The following DEAF1 variants were observed in gnomAD, a reference collection of about 807,000 sequenced individuals.
DEAF1 encodes deformed epidermal autoregulatory factor 1 homolog.
Under a neutral mutation model 58.9 loss-of-function variants are expected in DEAF1, and 53 were observed. The ratio of observed to expected loss-of-function variants is 0.90; its 90% CI spans 0.72 to 1.13. The LOEUF (loss-of-function observed/expected upper bound fraction) is 1.13. Among genes scored for constraint, DEAF1 ranks in the 50% most tolerant of loss-of-function variants. DEAF1 has a pLI of 0.00. For synonymous variants in DEAF1, 385 were observed against 340.4 expected, an observed-to-expected ratio of 1.13 and a Z score of -1.44; for missense variants, 685 against 791.4, an observed-to-expected ratio of 0.87 and a Z score of 1.61.
intron 10 of DEAF1, among the ~76,000 whole-genome samples, chr11:663,175 G>A (rs1859388296): frequency 6.6e-6 from 1 of 152,168 alleles, no homozygotes; most frequent in African/African-American, 2.4e-5. Flanking sequence ...AGTTGAGCAT[G>A]GTGGCTTACG....
At chr11:686,306 A>C (rs1012896911) in intron 5 of DEAF1, among the ~76,000 whole-genome samples, 1 of 150,896 alleles carries the variant, frequency 6.6e-6, no homozygotes, top group Non-Finnish European at 1.5e-5. Context: ...AAAAAAAAAA[A>C]AAACCACAAA....
At chr11:700,047 C>A, upstream of DEAF1, 3 of 985,782 alleles carry the variant, frequency 3.0e-6, no homozygotes, top group South Asian at 1.4e-5. Flanking sequence ...TGTCTGTGGC[C>A]ACCAAACAGA....
intron 10 of DEAF1, 73 bp from the exon 11 acceptor site, chr11:654,124 A>G: frequency 8.1e-7 from 1 of 1,234,416 alleles, no homozygotes. Flanking sequence ...GGACAGAGGC[A>G]GGTGCAGGCA....
Position 687,923 on chromosome 11 carries a change from T to C in DEAF1, c.652A>G (p.Arg218Gly). ...RNISGTLYKN[R>G]LGSGGRGRCI... Reference sequence around the variant, plus strand: ...TGGCAGTCCTCACCTGAGCCGAGCCTGTTCTTGTACAGAGTGCCGCTGATG... The same window carrying C: ...TGGCAGTCCTCACCTGAGCCGAGCCCGTTCTTGTACAGAGTGCCGCTGATG... The change falls in exon 4 of 12, where the codon AGG becomes GGG. Residue 218 changes from arginine (R) to glycine (G), a missense_variant. Arg to Gly is a moderately radical substitution (Grantham distance 125, BLOSUM62 -2). This residue lies in a region of DEAF1 where 132 missense variants were observed against 234.3 expected (regional missense o/e 0.56). Coordinates refer to ENST00000382409, the MANE Select transcript of DEAF1 (RefSeq NM_021008.4). The C allele has an allele frequency of 6.2e-7, 1 of 1,614,122 alleles. No homozygotes were observed. Among genetic ancestry groups the C allele is most frequent in the Non-Finnish European group, 8.5e-7 (1 of 1,180,024 alleles).
At chr11:665,116 G>A (rs879446757) in intron 10 of DEAF1, among the ~76,000 whole-genome samples, 2 of 133,364 alleles carry the variant, frequency 1.5e-5, no homozygotes, top group Admixed American at 7.4e-5. Flanking sequence ...CCGAGAGGAG[G>A]AGGACAGGGT....
At chr11:703,842 T>C (rs1336515284) in intron 1 of DEAF1, 39 of 1,235,772 alleles carry the variant, frequency 3.2e-5, no homozygotes, top group Non-Finnish European at 3.8e-5. Context: ...GGGATGAGAC[T>C]GCAGGAGAGA....
intron 10 of DEAF1, among the ~76,000 whole-genome samples, chr11:663,857 T>C (rs1859419234): frequency 6.6e-6 from 1 of 152,250 alleles, no homozygotes; most frequent in Admixed American, 6.5e-5. Flanking sequence ...GAAAGCACTG[T>C]GGTCCTGTCT....
At chr11:691,118 G>A (rs1466321405) in intron 2 of DEAF1, among the ~76,000 whole-genome samples, 1 of 152,236 alleles carries the variant, frequency 6.6e-6, no homozygotes, top group East Asian at 1.9e-4. Flanking sequence ...AACAGGATAT[G>A]GGGGAGGGAA....
At chr11:697,735 A>G (rs946698406), upstream of DEAF1, 2 of 152,246 alleles carry the variant, frequency 1.3e-5, no homozygotes, top group African/African-American at 4.8e-5. Flanking sequence ...AAAAGAACAG[A>G]TCGGGTTTAA....
chr11:690,618 C>T (rs998564016), intron 2 of DEAF1, among the ~76,000 whole-genome samples: 6 of 151,884 alleles, frequency 4.0e-5, no homozygotes, highest in Non-Finnish European at 8.8e-5. Flanking sequence ...TGGTGGCACA[C>T]GCCTGTAATC....
chr11:678,475 C>T (rs1860181403), intron 9 of DEAF1: 1 of 593,348 alleles, frequency 1.7e-6, no homozygotes, highest in Non-Finnish European at 2.9e-6. Flanking sequence ...GTACCAAAAG[C>T]AACTTCCACA....
Position 688,732 on chromosome 11 carries a change from C to T in DEAF1, c.388-272G>A, listed in dbSNP as rs1382716731. Among the ~76,000 whole-genome samples, 1 of 152,186 alleles carries T rather than the reference C, an allele frequency of 6.6e-6. No individual in the cohort carries two copies. The highest frequency in any genetic ancestry group is 1.5e-5 in the Non-Finnish European group (1 of 68,034). On this transcript the variant is annotated intron_variant, in intron 2 of 11. Coordinates refer to ENST00000382409, the MANE Select transcript of DEAF1 (RefSeq NM_021008.4). This position sits in a 1 kb window ranked among gnomAD's most constrained non-coding sequence, Gnocchi z 4.3. Reference sequence around the variant, plus strand: ...GGAAGGAAGAAAGGTGCTCCACAAACAAGAAACACCCTCCCTTCCACCTGA... The same window carrying T: ...GGAAGGAAGAAAGGTGCTCCACAAATAAGAAACACCCTCCCTTCCACCTGA...
chr11:675,499 G>A (rs950645789), intron 9 of DEAF1, among the ~76,000 whole-genome samples: 2 of 151,976 alleles, frequency 1.3e-5, no homozygotes, highest in Non-Finnish European at 2.9e-5. Flanking sequence ...ACCGTCCTTC[G>A]GCCTTGGTGA....
At chr11:647,411 C>T (rs764072540) in intron 11 of DEAF1, among the ~76,000 whole-genome samples, 7 of 152,068 alleles carry the variant, frequency 4.6e-5, no homozygotes, top group East Asian at 1.9e-4. Flanking sequence ...GCCAAGATCG[C>T]GCCGCTGCAC....
intron 10 of DEAF1, among the ~76,000 whole-genome samples, chr11:670,038 C>T (rs374327594): frequency 6.3e-4 from 96 of 151,462 alleles, no homozygotes; most frequent in African/African-American, 2.3e-3. Context: ...CCACTGCACT[C>T]CAGCCTGAGT....
chr11:668,530 G>A (rs1293831348), intron 10 of DEAF1, among the ~76,000 whole-genome samples: 1 of 152,030 alleles, frequency 6.6e-6, no homozygotes, highest in African/African-American at 2.4e-5. Flanking sequence ...GGCTAATGAA[G>A]GAAACATTTT....
At chr11:695,679 GGGCCTC>G, upstream of DEAF1, 1 of 1,243,356 alleles carries the variant, frequency 8.0e-7, no homozygotes, top group Non-Finnish European at 1.0e-6. Flanking sequence ...CGGACTAATC[GGGCCTC>G]GGCCGTGGCT....
chr11:688,055 G>A lies in DEAF1; in HGVS notation c.520C>T (p.Pro174Ser), dbSNP rs1248875975. The A allele has an allele frequency of 1.9e-6, 3 of 1,613,952 alleles. No individual in the cohort carries two copies. The highest frequency in any genetic ancestry group is 2.2e-5 in the South Asian group (2 of 91,062). Residue 174 changes from proline (P) to serine (S), a missense_variant and splice_region_variant, in exon 4 of 12, where the codon CCT becomes TCT. By Grantham distance (74) the Pro-to-Ser change is moderately conservative. Coordinates refer to ENST00000382409, the MANE Select transcript of DEAF1 (RefSeq NM_021008.4). This position sits in a 1 kb window ranked among gnomAD's most constrained non-coding sequence, Gnocchi z 4.3. ...KGPAAPLTPG[P>S]QSPPTPLAPG... Reference sequence around the variant, plus strand: ...GCCAGAGGGGTTGGAGGAGACTGAGGACCTTGGGCAGAGAAAGTGTTTGAA... The same window carrying A: ...GCCAGAGGGGTTGGAGGAGACTGAGAACCTTGGGCAGAGAAAGTGTTTGAA...
intron 7 of DEAF1, chr11:680,036 C>T: frequency 5.2e-6 from 3 of 581,060 alleles, no homozygotes; most frequent in Non-Finnish European, 9.2e-6. Context: ...TTGCCACTAC[C>T]AATTGTTCGC....
Sources: allele counts gnomAD v4.1 joint callset (sites outside exome capture counted in the v4.1 genomes callset), GRCh38; gene constraint gnomAD v4.1.1; regional missense constraint gnomAD v4.1.1; non-coding constraint Gnocchi (gnomAD v3.1); transcripts MANE v1.5; gene names NCBI Gene and HGNC (gene_info 2026-07-23, HGNC 2026-07-21).